Variants in CBFA2T2 observed in about 807,000 individuals in gnomAD.
The protein encoded by CBFA2T2 is protein CBFA2T2.
CBFA2T2 carries 11 observed loss-of-function variants against 62.2 expected under a neutral mutation model. The ratio of observed to expected loss-of-function variants is 0.18; its 90% CI spans 0.11 to 0.29. The LOEUF is 0.29. CBFA2T2 is among the 10% of genes least tolerant of loss of function. The pLI is 1.00. For missense variants in CBFA2T2, 592 were observed against 774.1 expected, an observed-to-expected ratio of 0.76 and a Z score of 2.79; for synonymous variants, 295 against 287.5, an observed-to-expected ratio of 1.03 and a Z score of -0.27.
At chr20:33,572,374 A>G (rs891185119) in intron 1 of CBFA2T2, among the ~76,000 whole-genome samples, 1 of 152,238 alleles carries the variant, frequency 6.6e-6, no homozygotes, top group Non-Finnish European at 1.5e-5. Context: ...AGTGATTTTT[A>G]TAAATGGATG....
chr20:33,493,787 C>CTCTACTGGCT lies in CBFA2T2; in HGVS notation c.34+3486_34+3487insTCTACTGGCT, dbSNP rs55762055. Among the ~76,000 whole-genome samples, 193 of 151,928 alleles carry CTCTACTGGCT rather than the reference C, an allele frequency of 1.3e-3. No individual in the cohort carries two copies. In the East Asian group the frequency reaches 0.014, roughly 11 times the overall value. ...CGGTATTGGGAGTAGAGGCATGAGCCACCATACCTGGCCACCTAAAATGTT... is the reference window on the plus strand; with the variant it reads ...CGGTATTGGGAGTAGAGGCATGAGCCTCTACTGGCTACCATACCTGGCCACCTAAAATGTT... On this transcript the variant is annotated intron_variant, in intron 1 of 10. Coordinates refer to ENST00000342704, the MANE Select transcript of CBFA2T2 (RefSeq NM_001032999.3).
At chr20:33,574,294 C>T in intron 1 of CBFA2T2, 1 of 1,586,846 alleles carries the variant, frequency 6.3e-7, no homozygotes, top group Non-Finnish European at 8.6e-7. Flanking sequence ...TAATAGAGGA[C>T]TAATTTAATA....
intron 1 of CBFA2T2, among the ~76,000 whole-genome samples, chr20:33,501,011 A>G (rs2011270852): frequency 6.6e-6 from 1 of 152,254 alleles, no homozygotes. Flanking sequence ...TATATAGACT[A>G]TGCAATGAAG....
intron 3 of CBFA2T2, among the ~76,000 whole-genome samples, chr20:33,619,196 G>A (rs1372998725): frequency 1.3e-5 from 2 of 152,064 alleles, no homozygotes; most frequent in Non-Finnish European, 2.9e-5. Context: ...ACAACATAGC[G>A]AGACTGCATC....
chr20:33,563,895 G>A (rs1226264949), intron 1 of CBFA2T2, among the ~76,000 whole-genome samples: 4 of 152,088 alleles, frequency 2.6e-5, no homozygotes, highest in Admixed American at 2.6e-4. Flanking sequence ...GTCTCAGATT[G>A]TCTGCATCTA....
intron 1 of CBFA2T2, among the ~76,000 whole-genome samples, chr20:33,490,740 G>A (rs183863281): frequency 1.3e-5 from 2 of 152,312 alleles, no homozygotes; most frequent in Non-Finnish European, 2.9e-5. Flanking sequence ...TGGCTACCTG[G>A]GTTCACATCC....
chr20:33,614,819 G>C (rs898257512), intron 3 of CBFA2T2, among the ~76,000 whole-genome samples: 1 of 152,090 alleles, frequency 6.6e-6, no homozygotes, highest in African/African-American at 2.4e-5. Context: ...GGACACATGG[G>C]TTGCTGCCAC....
intron 1 of CBFA2T2, among the ~76,000 whole-genome samples, chr20:33,508,066 AGGAAGCAGACG>A: frequency 6.6e-6 from 1 of 152,180 alleles, no homozygotes; most frequent in Non-Finnish European, 1.5e-5. Flanking sequence ...AGATGAGAGT[AGGAAGCAGACG>A]GGTCAGGTCC....
intron 1 of CBFA2T2, among the ~76,000 whole-genome samples, chr20:33,594,836 A>G (rs764734668): frequency 2.0e-5 from 3 of 152,208 alleles, no homozygotes; most frequent in Non-Finnish European, 4.4e-5. Context: ...TGATTGTGGT[A>G]GGGGTGGCTT....
intron 1 of CBFA2T2, among the ~76,000 whole-genome samples, chr20:33,496,608 T>TG (rs2011201557): frequency 1.3e-5 from 2 of 152,214 alleles, no homozygotes; most frequent in Non-Finnish European, 2.9e-5. Flanking sequence ...TATTTACTAG[T>TG]GAAAAACTTG....
At chr20:33,591,846 A>G (rs2014655245) in intron 1 of CBFA2T2, among the ~76,000 whole-genome samples, 1 of 74,098 alleles carries the variant, frequency 1.3e-5, no homozygotes, top group Non-Finnish European at 2.4e-5. Context: ...CTACATCCCA[A>G]TTGTGGCGGG....
intron 8 of CBFA2T2, among the ~76,000 whole-genome samples, chr20:33,632,594 G>C (rs2016492196): frequency 6.7e-6 from 1 of 150,082 alleles, no homozygotes; most frequent in Non-Finnish European, 1.5e-5. Context: ...TCAGCTTCCT[G>C]AGTAGCTGGG....
rs1250595831 is a variant in CBFA2T2 at position 33,644,871 on chromosome 20, T to G, written c.*225T>G. On this transcript the variant is annotated 3_prime_UTR_variant, in exon 11 of 11. Coordinates refer to ENST00000342704, the MANE Select transcript of CBFA2T2 (RefSeq NM_001032999.3). The stretch of plus-strand genomic sequence containing the variant: ...CTGCACATGGGCAGCCAGCCTGAGC[T>G]GCCTCCTCCATGGCTTTCCTGGTTT... 1 of 548,808 alleles carries G rather than the reference T, an allele frequency of 1.8e-6. No individual in the cohort carries two copies. The highest frequency in any genetic ancestry group is 1.9e-5 in the African/African-American group (1 of 52,438). The allele number at this position is 548,808 out of a possible 1,614,324, so 34.0% of individuals were successfully genotyped here. A position where few individuals can be genotyped will look rare whatever the true frequency, so the allele number is the denominator to read the frequency against.
At chr20:33,497,881 C>A (rs572799948) in intron 1 of CBFA2T2, among the ~76,000 whole-genome samples, 1 of 151,908 alleles carries the variant, frequency 6.6e-6, no homozygotes, top group Non-Finnish European at 1.5e-5. Context: ...CAGGATGTTT[C>A]TATGTTTCCC....
At chr20:33,632,133 TC>T (rs1276414215) in intron 8 of CBFA2T2, among the ~76,000 whole-genome samples, 1 of 152,108 alleles carries the variant, frequency 6.6e-6, no homozygotes, top group African/African-American at 2.4e-5. Context: ...CATTGCAACC[TC>T]CTGGGTTCAA....
At chr20:33,573,766 C>T (rs780759832) in intron 1 of CBFA2T2, among the ~76,000 whole-genome samples, 1 of 152,028 alleles carries the variant, frequency 6.6e-6, no homozygotes, top group Non-Finnish European at 1.5e-5. Flanking sequence ...AGGCTTGAGC[C>T]ACCACACCCG....
Position 33,645,000 on chromosome 20 carries a change from C to T in CBFA2T2, c.*354C>T, listed in dbSNP as rs1469705834. On this transcript the variant is annotated 3_prime_UTR_variant, in exon 11 of 11. Coordinates refer to ENST00000342704, the MANE Select transcript of CBFA2T2 (RefSeq NM_001032999.3). Reference sequence around the variant, plus strand: ...TCAGCAGACTGTCCAATGTGCTCAGCCAGGCTGGAGGCGGCAGGCGGCAGG... The same window carrying T: ...TCAGCAGACTGTCCAATGTGCTCAGTCAGGCTGGAGGCGGCAGGCGGCAGG... 3 of 218,212 alleles carry T rather than the reference C, an allele frequency of 1.4e-5. No individual in the cohort carries two copies. Among genetic ancestry groups the T allele is most frequent in the African/African-American group, 6.9e-5 (3 of 43,792 alleles). The allele number at this position is 218,212 out of a possible 1,614,324, so 13.5% of individuals were successfully genotyped here. A position where few individuals can be genotyped will look rare whatever the true frequency, so the allele number is the denominator to read the frequency against.
rs566537081 is a variant in CBFA2T2, at chr20:33,616,782, G to A, written c.421-2735G>A. Among the ~76,000 whole-genome samples the A allele has an allele frequency of 1.2e-3, 175 of 152,082 alleles. 1 individual carries two copies. Among genetic ancestry groups the A allele is most frequent in the South Asian group, 2.9e-3 (14 of 4,824 alleles). ...AAAGCTGAATAGAGGATACATTGGA[G>A]TATAAGTGTTGCCCTTGAAATCCAG... On this transcript the variant is annotated intron_variant, in intron 3 of 10. Transcript: ENST00000342704.
At chr20:33,621,179 C>G (rs1303229679) in intron 4 of CBFA2T2, among the ~76,000 whole-genome samples, 1 of 151,414 alleles carries the variant, frequency 6.6e-6, no homozygotes, top group East Asian at 1.9e-4. Flanking sequence ...AATCATTTAA[C>G]AGAAAAACTG....
Sources: gnomAD v4.1 joint callset for allele counts (sites outside exome capture counted in the v4.1 genomes callset) on GRCh38, gnomAD v4.1.1 for gene constraint, MANE v1.5 for transcripts, NCBI Gene and HGNC (gene_info 2026-07-23, HGNC 2026-07-21) for gene names.